IDE: variants seen among roughly 807,000 people sequenced by gnomAD.
The protein encoded by IDE is insulin degrading enzyme.
IDE carries 58 observed loss-of-function variants against 133.2 expected under a neutral mutation model. The ratio of observed to expected loss-of-function variants is 0.44; its 90% CI spans 0.35 to 0.54. The LOEUF (loss-of-function observed/expected upper bound fraction) is 0.54. Among genes scored for constraint, IDE ranks in the 20% least tolerant of loss-of-function variants. IDE has a pLI of 0.00. For missense variants in IDE, 981 were observed against 1,234.0 expected (o/e 0.79, Z 3.07); for synonymous variants, 396 against 421.3 (o/e 0.94, Z 0.73).
chr10:92,508,242 A>G (rs371376057), intron 7 of IDE, 37 bp from the exon 8 acceptor site: 3 of 1,474,568 alleles, frequency 2.0e-6, no homozygotes, highest in African/African-American at 1.4e-5. Context: ...GATTGATTGC[A>G]TATGTGGCTT....
At chr10:92,573,740 C>T (rs912474890) in intron 1 of IDE, among the ~76,000 whole-genome samples, 182 bp downstream of exon 1, 2 of 152,212 alleles carry the variant, frequency 1.3e-5, no homozygotes, top group African/African-American at 4.8e-5. Flanking sequence ...TCCCGCCTGG[C>T]GAGCCGCTCT....
chr10:92,566,308 C>T (rs1843542910), intron 1 of IDE, among the ~76,000 whole-genome samples: 2 of 151,870 alleles, frequency 1.3e-5, no homozygotes. Context: ...GGAGAATCAC[C>T]TGAGCCCAGA....
chr10:92,511,486 A>T (rs535961057), intron 5 of IDE, among the ~76,000 whole-genome samples: 1 of 152,316 alleles, frequency 6.6e-6, no homozygotes, highest in Non-Finnish European at 1.5e-5. Flanking sequence ...TGGTATAAAC[A>T]TTCATAACCT....
chr10:92,533,378 A>G (rs1850048500), intron 3 of IDE, among the ~76,000 whole-genome samples: 1 of 152,184 alleles, frequency 6.6e-6, no homozygotes, highest in Admixed American at 6.5e-5. Flanking sequence ...AAAATAAAAT[A>G]AGTAGGAAAC....
chr10:92,468,742 T>G (rs1430728704), intron 19 of IDE, 137 bp downstream of exon 19: 4 of 509,578 alleles, frequency 7.8e-6, no homozygotes, highest in South Asian at 8.0e-5. Flanking sequence ...TACCTATCTC[T>G]AATCATAATT....
At chr10:92,566,587 TAGA>T (rs1314018418) in intron 1 of IDE, among the ~76,000 whole-genome samples, 1 of 150,304 alleles carries the variant, frequency 6.7e-6, no homozygotes, top group Admixed American at 6.7e-5. Context: ...AGATAGAGAG[TAGA>T]AGGATGGTTA....
chr10:92,475,933 A>G lies in IDE; in HGVS notation c.1946T>C (p.Met649Thr). 6.4e-7 allele frequency: 1 copy of G among 1,551,890 alleles called. No homozygotes were observed. Among genetic ancestry groups the G allele is most frequent in the Non-Finnish European group, 8.8e-7 (1 of 1,134,800 alleles). ...TTTTTCATCAATCTCAAAGGTAGCC[A>G]TTTTCTCAATAATCTTCTTTAGTAA... ...PILLKKIIEK[M>T]ATFEIDEKRF... Residue 649 changes from methionine (M) to threonine (T), a missense_variant, in exon 16 of 25, where the codon ATG becomes ACG. Coordinates refer to ENST00000265986, the MANE Select transcript of IDE (RefSeq NM_004969.4).
intron 17 of IDE, among the ~76,000 whole-genome samples, chr10:92,472,642 CTTTT>C (rs35959170): frequency 6.4e-5 from 8 of 125,910 alleles, no homozygotes; most frequent in Admixed American, 4.0e-4. Flanking sequence ...CAACAGAATT[CTTTT>C]TTTTTTTTTT....
intron 17 of IDE, among the ~76,000 whole-genome samples, chr10:92,473,458 G>A (rs1309676976): frequency 6.6e-6 from 1 of 151,092 alleles, no homozygotes; most frequent in Non-Finnish European, 1.5e-5. Flanking sequence ...AAGTAAAGGG[G>A]TATGGAAGGC....
intron 4 of IDE, among the ~76,000 whole-genome samples, chr10:92,526,203 A>C (rs1435890057): frequency 6.6e-6 from 1 of 151,958 alleles, no homozygotes; most frequent in Non-Finnish European, 1.5e-5. Flanking sequence ...AAACTATAAA[A>C]TACTAATAAG....
rs1564660705 is a variant in IDE at position 92,537,532 on chromosome 10, G to GT, written c.116dup (p.Tyr39Ter). ...ERLCGFQKKT[Y>*]SKMNNPAIKR... ...TGATGGCTGGATTATTCATTTTGCT[G>GT]TAAGTCTTTTTTTGGAAACTGAAAA... The change falls in exon 2 of 25, where the codon TAC becomes TAAC. Residue 39 changes from tyrosine to a stop codon, truncating the protein, a stop_gained and frameshift_variant. Coordinates refer to ENST00000265986, the MANE Select transcript of IDE (RefSeq NM_004969.4). LOFTEE classifies it high-confidence loss of function. 3 of 1,592,906 alleles carry GT rather than the reference G, an allele frequency of 1.9e-6. No homozygotes were observed. Among genetic ancestry groups the GT allele is most frequent in the Non-Finnish European group, 1.7e-6 (2 of 1,174,072 alleles).
chr10:92,566,405 T>TCA (rs1377015950), intron 1 of IDE, among the ~76,000 whole-genome samples: 1 of 143,196 alleles, frequency 7.0e-6, no homozygotes, highest in African/African-American at 2.7e-5. Context: ...TCTCTCTCTC[T>TCA]CTCTCTCTCA....
rs1284418838 is a variant in IDE, at chr10:92,514,986, C to T, written c.718G>A (p.Glu240Lys). 1.9e-6 allele frequency: 3 copies of T among 1,610,264 alleles called. No homozygotes were observed. Among genetic ancestry groups the T allele is most frequent in the Non-Finnish European group, 2.5e-6 (3 of 1,176,810 alleles). ...TAAGCAGAATGGAATTTCAGTAGCTCTTGTCTTACATCAATGCCTTCTTGG... is the reference window on the plus strand; with the variant it reads ...TAAGCAGAATGGAATTTCAGTAGCTTTTGTCTTACATCAATGCCTTCTTGG... ...PNQEGIDVRQ[E>K]LLKFHSAYYS... The change falls in exon 5 of 25, where the codon GAG (glutamate) becomes AAG (lysine). Residue 240 changes from glutamate (E) to lysine (K), a missense_variant. Transcript: ENST00000265986.
chr10:92,459,342 G>A (rs948621467), intron 22 of IDE, among the ~76,000 whole-genome samples: 3 of 152,144 alleles, frequency 2.0e-5, no homozygotes, highest in African/African-American at 7.2e-5. Context: ...CCTAGTACAG[G>A]AGAAAATGTG....
chr10:92,567,276 C>T (rs1160067904), intron 1 of IDE, among the ~76,000 whole-genome samples: 2 of 152,144 alleles, frequency 1.3e-5, no homozygotes, highest in African/African-American at 4.8e-5. Flanking sequence ...AGAGCTGGGT[C>T]TCCCCGACAA....
intron 5 of IDE, among the ~76,000 whole-genome samples, chr10:92,513,444 C>T (rs544345579): frequency 1.3e-5 from 2 of 152,288 alleles, no homozygotes; most frequent in African/African-American, 2.4e-5. Context: ...CCACCTGCCT[C>T]GGCCTTCCGA....
At chr10:92,484,882 C>T (rs1473285636) in intron 13 of IDE, among the ~76,000 whole-genome samples, 1 of 151,904 alleles carries the variant, frequency 6.6e-6, no homozygotes, top group Non-Finnish European at 1.5e-5. Flanking sequence ...TAGTGAGATC[C>T]CACCTCTACA....
chr10:92,514,697 G>A (rs1294711661), intron 5 of IDE, among the ~76,000 whole-genome samples: 2 of 151,498 alleles, frequency 1.3e-5, no homozygotes, highest in Non-Finnish European at 2.9e-5. Context: ...TATTACTGTA[G>A]TAATTTGTAT....
At chr10:92,531,990 G>T in intron 3 of IDE, 73 bp from the exon 4 acceptor site, 1 of 1,035,320 alleles carries the variant, frequency 9.7e-7, no homozygotes, top group Non-Finnish European at 1.3e-6. Context: ...AAGATTTTTG[G>T]AACTTATTAG....
Sources: gnomAD v4.1 joint callset for allele counts (sites outside exome capture counted in the v4.1 genomes callset) on GRCh38, gnomAD v4.1.1 for gene constraint, MANE v1.5 for transcripts, NCBI Gene and HGNC (gene_info 2026-07-23, HGNC 2026-07-21) for gene names.